Variants in EDDM13 observed in about 807,000 individuals in gnomAD.
EDDM13 encodes the protein epididymal protein 13.
EDDM13 carries 24 observed loss-of-function variants against 17.8 expected under a neutral mutation model. The observed-to-expected ratio is 1.35, with a 90% CI of 0.98 to 1.90. EDDM13 has a LOEUF of 1.90. EDDM13 is among the 40% of genes most tolerant of loss of function. The pLI is 0.00. For missense variants in EDDM13, 97 were observed against 100.8 expected, an observed-to-expected ratio of 0.96 and a Z score of 0.16; for synonymous variants, 31 against 37.5, an observed-to-expected ratio of 0.83 and a Z score of 0.63.
chr19:56,296,734 G>A (rs534090876), intron 11 of EDDM13, among the ~76,000 whole-genome samples: 5 of 151,958 alleles, frequency 3.3e-5, no homozygotes, highest in Non-Finnish European at 7.4e-5. Flanking sequence ...AACGCAGTGC[G>A]GGAAACTTAA....
intron 14 of EDDM13, among the ~76,000 whole-genome samples, chr19:56,308,603 C>G (rs1045904910): frequency 6.6e-6 from 1 of 152,242 alleles, no homozygotes; most frequent in Non-Finnish European, 1.5e-5. Flanking sequence ...GGATTACAGG[C>G]ATGAGCCACC....
intron 14 of EDDM13, among the ~76,000 whole-genome samples, chr19:56,308,388 A>G (rs908639132): frequency 3.3e-5 from 5 of 150,496 alleles, no homozygotes; most frequent in Non-Finnish European, 1.5e-5. Flanking sequence ...CAGTGGCCCA[A>G]TCTCAGCTCA....
chr19:56,296,661 A>G (rs1414885066), intron 11 of EDDM13, among the ~76,000 whole-genome samples: 2 of 152,222 alleles, frequency 1.3e-5, no homozygotes, highest in African/African-American at 4.8e-5. Flanking sequence ...AACAAAGAGC[A>G]GTAGTTATAG....
At chr19:56,272,993 C>G (rs1456233228) in intron 1 of EDDM13, 74 bp downstream of exon 1, 2 of 565,278 alleles carry the variant, frequency 3.5e-6, no homozygotes, top group Non-Finnish European at 4.5e-6. Context: ...GGGCTGGATT[C>G]AGAGAGAAGC....
intron 8 of EDDM13, among the ~76,000 whole-genome samples, chr19:56,290,430 C>T (rs1317028911): frequency 1.3e-5 from 2 of 152,214 alleles, no homozygotes; most frequent in Admixed American, 6.5e-5. Context: ...AGAGGTCAGA[C>T]ATTTATTGAC....
chr19:56,300,110 A>G (rs1201337742), intron 12 of EDDM13: 1 of 152,246 alleles, frequency 6.6e-6, no homozygotes, highest in African/African-American at 2.4e-5. Context: ...ATAATTAAAA[A>G]CAAAATATCC....
intron 2 of EDDM13, among the ~76,000 whole-genome samples, chr19:56,277,871 C>T (rs1405029593): frequency 6.6e-6 from 1 of 151,910 alleles, no homozygotes; most frequent in African/African-American, 2.4e-5. Context: ...ATCCATGTCA[C>T]CAAAAACCAC....
chr19:56,281,616 T>C (rs1233743237), intron 2 of EDDM13, 77 bp from the exon 3 acceptor site: 2 of 734,788 alleles, frequency 2.7e-6, no homozygotes, highest in East Asian at 1.3e-4. Context: ...AGATGGATGA[T>C]GTTAATATTA....
chr19:56,282,801 C>T (rs1485932049), intron 4 of EDDM13, among the ~76,000 whole-genome samples: 1 of 152,166 alleles, frequency 6.6e-6, no homozygotes, highest in Non-Finnish European at 1.5e-5. Flanking sequence ...TACCTGACAT[C>T]GATAATAATA....
chr19:56,284,801 C>T (rs2038982588), intron 5 of EDDM13, among the ~76,000 whole-genome samples, 197 bp from the exon 6 acceptor site: 2 of 152,162 alleles, frequency 1.3e-5, no homozygotes, highest in Admixed American at 1.3e-4. Flanking sequence ...GCCTGAGCCA[C>T]TGCGCCTGGC....
intron 3 of EDDM13, 79 bp downstream of exon 3, chr19:56,281,777 G>C: frequency 1.2e-6 from 1 of 861,486 alleles, no homozygotes; most frequent in Non-Finnish European, 1.4e-6. Flanking sequence ...GAAAGAGAGA[G>C]GCAAAACTGC....
intron 12 of EDDM13, among the ~76,000 whole-genome samples, chr19:56,301,251 G>A (rs2040208523): frequency 6.6e-6 from 1 of 152,162 alleles, no homozygotes; most frequent in South Asian, 2.1e-4. Context: ...GTTATTTCCT[G>A]AATATATGAT....
At chr19:56,280,882 T>C (rs931607139) in intron 2 of EDDM13, among the ~76,000 whole-genome samples, 1 of 152,158 alleles carries the variant, frequency 6.6e-6, no homozygotes, top group African/African-American at 2.4e-5. Flanking sequence ...ACATGCTGTT[T>C]GGGGTACACA....
chr19:56,297,639 C>T, intron 12 of EDDM13, 108 bp downstream of exon 12: 1 of 622,966 alleles, frequency 1.6e-6, no homozygotes, highest in Non-Finnish European at 2.0e-6. Flanking sequence ...CAAGGCCCTG[C>T]AGGGGCTTTG....
chr19:56,278,191 G>A (rs1343602931), intron 2 of EDDM13, among the ~76,000 whole-genome samples: 5 of 151,624 alleles, frequency 3.3e-5, no homozygotes, highest in South Asian at 2.1e-4. Context: ...GCACGGTCTC[G>A]GCTCGCCATG....
chr19:56,275,411 A>C (rs1028943203), intron 1 of EDDM13, among the ~76,000 whole-genome samples: 1 of 152,070 alleles, frequency 6.6e-6, no homozygotes, highest in Non-Finnish European at 1.5e-5. Flanking sequence ...TACTGTATTT[A>C]TTTATATCAG....
At position 56,277,207 on chromosome 19, in the gene EDDM13, G is replaced by T. The variant is rs190820435; in HGVS notation, c.103+1098G>T. Among the ~76,000 whole-genome samples, 310 of 152,296 alleles carry T rather than the reference G, an allele frequency of 2.0e-3. 1 individual carries two copies. Among genetic ancestry groups the T allele is most frequent in the Admixed American group, 0.015 (222 of 15,294 alleles). The stretch of plus-strand genomic sequence containing the variant: ...GGTATGTGCCCAAGATAAATGAAAC[G>T]TAAGTCCACACAAAAACCCATGCAC... On this transcript the variant is annotated intron_variant, in intron 2 of 14. Coordinates refer to ENST00000649256, the MANE Select transcript of EDDM13 (RefSeq NM_001354658.2).
rs553691517 is a variant in EDDM13 at position 56,286,308 on chromosome 19, C to T, written c.154+1284C>T. 2.0e-5 allele frequency: 3 copies of T among 152,230 alleles called. No homozygotes were observed. The East Asian group carries it at 5.8e-4, about 29-fold the overall frequency. The allele number at this position is 152,230 out of a possible 1,614,324, so 9.4% of individuals were successfully genotyped here. ...GTGCTGGAATTACAGGTGTGAGCCC[C>T]GCACCTGACCCAAACTTTTTATTTT... is the stretch of plus-strand genomic sequence containing the variant. On this transcript the variant is annotated intron_variant, in intron 6 of 14. Coordinates refer to ENST00000649256, the MANE Select transcript of EDDM13 (RefSeq NM_001354658.2).
intron 9 of EDDM13, among the ~76,000 whole-genome samples, chr19:56,291,540 TTCCTC>T (rs2039510290): frequency 6.6e-6 from 1 of 152,150 alleles, no homozygotes; most frequent in Non-Finnish European, 1.5e-5. Flanking sequence ...TTTCTTCCTT[TTCCTC>T]TCCTCTCCTT....
Sources: gnomAD v4.1 joint callset for allele counts (sites outside exome capture counted in the v4.1 genomes callset) on GRCh38, gnomAD v4.1.1 for gene constraint, MANE v1.5 for transcripts, NCBI Gene and HGNC (gene_info 2026-07-23, HGNC 2026-07-21) for gene names.